Variants in CNTN3 observed in about 807,000 individuals in gnomAD.
CNTN3 encodes contactin 3.
Under a neutral mutation model 119.1 loss-of-function variants are expected in CNTN3, and 60 were observed. That is an observed-to-expected ratio of 0.50 (90% confidence interval 0.41 to 0.62). The LOEUF is 0.62. Ranked by LOEUF, CNTN3 falls within the 20% of genes least tolerant of loss-of-function variation. The pLI is 0.00. For synonymous variants in CNTN3, 450 were observed against 438.7 expected (o/e 1.03, Z -0.32); for missense variants, 1,101 against 1,242.4 (o/e 0.89, Z 1.71).
chr3:74,302,049 C>T (rs185220943), intron 14 of CNTN3, among the ~76,000 whole-genome samples: 2 of 152,284 alleles, frequency 1.3e-5, no homozygotes, highest in Non-Finnish European at 2.9e-5. Context: ...AACCATAATA[C>T]TCTCTGATTG....
intron 2 of CNTN3, among the ~76,000 whole-genome samples, chr3:74,506,573 C>T (rs1703264009): frequency 6.6e-6 from 1 of 151,788 alleles, no homozygotes; most frequent in East Asian, 1.9e-4. Flanking sequence ...TTTGAACCTC[C>T]ATGACATCCT....
At chr3:74,533,938 T>G (rs1048958837) in intron 1 of CNTN3, among the ~76,000 whole-genome samples, 2 of 152,008 alleles carry the variant, frequency 1.3e-5, no homozygotes, top group Non-Finnish European at 2.9e-5. Context: ...CTAAATACTC[T>G]GCCATACCAC....
intron 19 of CNTN3, among the ~76,000 whole-genome samples, chr3:74,286,299 C>T (rs1322059587): frequency 2.0e-5 from 3 of 151,988 alleles, no homozygotes; most frequent in Admixed American, 6.6e-5. Flanking sequence ...GGAAGATGAG[C>T]TGGAATACGC....
Position 74,543,611 on chromosome 3 carries a change from T to C in CNTN3, c.-80-22419A>G, listed in dbSNP as rs1211455223. On this transcript the variant is annotated intron_variant, in intron 1 of 22. Transcript: ENST00000263665. ...AATACTACATATTAGATCTTCAGTA[T>C]TATTTTCCAATTTTACTTGCAGATT... 8.5e-5 allele frequency among the ~76,000 whole-genome samples: 13 copies of C among 152,340 alleles called. No individual in the cohort carries two copies. The East Asian group carries it at 1.9e-3, about 23-fold the overall frequency.
intron 5 of CNTN3, among the ~76,000 whole-genome samples, chr3:74,423,364 T>C (rs1241373562): frequency 2.6e-5 from 4 of 152,148 alleles, no homozygotes; most frequent in African/African-American, 9.7e-5. Context: ...TGGTCAGAAA[T>C]GGTTGACCCT....
intron 1 of CNTN3, among the ~76,000 whole-genome samples, chr3:74,596,239 ATCGT>A (rs1278417129): frequency 0.016 from 2,498 of 152,230 alleles, 69 homozygotes; most frequent in African/African-American, 0.057. Flanking sequence ...AAGAATCAAT[ATCGT>A]GAAAGTGGCC....
intron 1 of CNTN3, among the ~76,000 whole-genome samples, chr3:74,585,034 C>T (rs200146440): frequency 1.3e-5 from 2 of 152,094 alleles, no homozygotes; most frequent in Non-Finnish European, 2.9e-5. Context: ...CTTTTTGTTC[C>T]TTTATAATCT....
chr3:74,588,338 G>A (rs1293647942), intron 1 of CNTN3, among the ~76,000 whole-genome samples: 1 of 152,080 alleles, frequency 6.6e-6, no homozygotes, highest in Non-Finnish European at 1.5e-5. Flanking sequence ...CAAATCATGA[G>A]TGAACTCCCG....
intron 17 of CNTN3, among the ~76,000 whole-genome samples, chr3:74,298,599 T>TG (rs932758410): frequency 8.7e-6 from 1 of 114,558 alleles, no homozygotes; most frequent in East Asian, 4.0e-4. Context: ...TAAGTAAAAC[T>TG]GGAAAAAAAA....
chr3:74,371,479 A>T, intron 5 of CNTN3, 80 bp from the exon 6 acceptor site: 1 of 1,032,224 alleles, frequency 9.7e-7, no homozygotes. Context: ...ATCTATACAA[A>T]CATCAACTTT....
At chr3:74,327,757 G>A (rs1281553024) in intron 13 of CNTN3, among the ~76,000 whole-genome samples, 1 of 151,862 alleles carries the variant, frequency 6.6e-6, no homozygotes. Flanking sequence ...ATCTACCTAA[G>A]TAGACAATTT....
rs1702375734 is a variant in CNTN3 at position 74,297,975 on chromosome 3, C to G, written c.2383G>C (p.Val795Leu). 6.2e-7 allele frequency: 1 copy of G among 1,613,088 alleles called. No individual in the cohort carries two copies. The highest frequency in any genetic ancestry group is 1.1e-5 in the South Asian group (1 of 91,030). ...TCCATACCTTCTTCTGCAGAGAACACTGTTGTCACTGGGCTAAATGGTCCT... is the reference window on the plus strand; with the variant it reads ...TCCATACCTTCTTCTGCAGAGAACAGTGTTGTCACTGGGCTAAATGGTCCT... ...GEGPFSPVTT[V>L]FSAEEEPTVA... Residue 795 changes from valine to leucine, a missense_variant, in exon 18 of 23, where the codon GTG becomes CTG. By Grantham distance (32) the Val-to-Leu change is conservative. Coordinates refer to ENST00000263665, the MANE Select transcript of CNTN3 (RefSeq NM_020872.3).
intron 1 of CNTN3, among the ~76,000 whole-genome samples, chr3:74,576,083 G>A (rs937783035): frequency 2.0e-5 from 3 of 151,946 alleles, no homozygotes; most frequent in African/African-American, 4.8e-5. Context: ...CCAGCCCTCT[G>A]CCTCCTAATG....
chr3:74,567,602 T>C (rs1704247529), intron 1 of CNTN3, among the ~76,000 whole-genome samples: 1 of 152,116 alleles, frequency 6.6e-6, no homozygotes, highest in African/African-American at 2.4e-5. Flanking sequence ...ACAGATTTGC[T>C]ACTAGGGAGC....
intron 4 of CNTN3, among the ~76,000 whole-genome samples, chr3:74,464,915 A>G (rs1192156310): frequency 6.6e-6 from 1 of 152,168 alleles, no homozygotes; most frequent in African/African-American, 2.4e-5. Flanking sequence ...TATATTAACA[A>G]TCATTCATAG....
chr3:74,423,599 G>A lies in CNTN3; in HGVS notation c.454+1246C>T, dbSNP rs573319565. On this transcript the variant is annotated intron_variant, in intron 5 of 22. Transcript: ENST00000263665. ...AGCCACTTGATCATCCCAGTTATGT[G>A]AGCCAGCAAACTCCCAATTTTTTGT... 8.5e-5 allele frequency among the ~76,000 whole-genome samples: 13 copies of A among 152,314 alleles called. No individual in the cohort carries two copies. In the South Asian group the frequency reaches 2.3e-3, roughly 27 times the overall value.
At chr3:74,433,658 C>A (rs1383908821) in intron 4 of CNTN3, among the ~76,000 whole-genome samples, 2 of 152,114 alleles carry the variant, frequency 1.3e-5, no homozygotes, top group Non-Finnish European at 2.9e-5. Context: ...ATTGCTCCAA[C>A]ACTGTCAACT....
rs934368808 is a variant in CNTN3 at position 74,381,063 on chromosome 3, T to TTC, written c.455-9666_455-9665dup. ...AAAGCTGGAGAAATTGTTTTTTTTTTTCTCTCTCTCTCTCTCTCTCTCTCA... is the reference window on the plus strand; with the variant it reads ...AAAGCTGGAGAAATTGTTTTTTTTTTTCTCTCTCTCTCTCTCTCTCTCTCTCA... On this transcript the variant is annotated intron_variant, in intron 5 of 22. Transcript: ENST00000263665. Among the ~76,000 whole-genome samples, 811 of 146,608 alleles carry TTC rather than the reference T, an allele frequency of 5.5e-3. 7 individuals are homozygous for TTC. Among genetic ancestry groups the TTC allele is most frequent in the African/African-American group, 0.017 (683 of 39,154 alleles).
At chr3:74,461,914 C>T (rs13096753) in intron 4 of CNTN3, among the ~76,000 whole-genome samples, 4,950 of 152,184 alleles carry the variant, frequency 0.033, 124 homozygotes, top group Middle Eastern at 0.058. Flanking sequence ...ACTATGCCTC[C>T]TGATATGGTT....
Sources: allele counts gnomAD v4.1 joint callset (sites outside exome capture counted in the v4.1 genomes callset), GRCh38; gene constraint gnomAD v4.1.1; transcripts MANE v1.5; gene names NCBI Gene and HGNC (gene_info 2026-07-23, HGNC 2026-07-21).